Variants in NCOR1 observed in about 807,000 individuals in gnomAD.
NCOR1 encodes protein phosphatase 1, regulatory subunit 109.
NCOR1 carries 63 observed loss-of-function variants against 288.1 expected under a neutral mutation model. That is an observed-to-expected ratio of 0.22 (90% CI 0.18 to 0.27). The LOEUF is 0.27. Ranked by LOEUF, NCOR1 falls within the 10% of genes least tolerant of loss-of-function variation. NCOR1 has a pLI of 1.00. For missense variants in NCOR1, 2,397 were observed against 3,019.2 expected (o/e 0.79, Z 4.83); for synonymous variants, 1,007 against 1,065.9 (o/e 0.94, Z 1.08).
At chr17:16,150,705 A>G (rs536204578) in intron 8 of NCOR1, among the ~76,000 whole-genome samples, 3,028 of 136,074 alleles carry the variant, frequency 0.022, 43 homozygotes, top group Middle Eastern at 0.049. Flanking sequence ...GCTTTGTGGG[A>G]AAAAAAAAAA....
chr17:16,067,836 A>G (rs1006013426), intron 32 of NCOR1, 58 bp downstream of exon 32: 2 of 1,474,126 alleles, frequency 1.4e-6, no homozygotes, highest in African/African-American at 1.4e-5. Context: ...AGAAAGCTGA[A>G]AAGTCATACT....
chr17:16,105,630 C>A (rs2068465590), intron 19 of NCOR1, among the ~76,000 whole-genome samples: 1 of 152,050 alleles, frequency 6.6e-6, no homozygotes, highest in African/African-American at 2.4e-5. Flanking sequence ...TGGCTGTTAA[C>A]AACAAGATGG....
At chr17:16,137,985 T>C (rs2076661909) in intron 13 of NCOR1, 173 bp downstream of exon 13, 1 of 542,106 alleles carries the variant, frequency 1.8e-6, no homozygotes, top group Non-Finnish European at 3.2e-6. Flanking sequence ...TTCTGTGTTC[T>C]GTGTTACGAT....
intron 1 of NCOR1, among the ~76,000 whole-genome samples, chr17:16,209,895 G>C (rs2091955153): frequency 6.6e-6 from 1 of 151,790 alleles, no homozygotes; most frequent in South Asian, 2.1e-4. Context: ...AGGTTGCAGT[G>C]AGCTGAGATT....
In NCOR1 at chr17:16,149,207, T is replaced by C. The variant is rs141151786; in HGVS notation, c.909+244A>G. On this transcript the variant is annotated intron_variant, in intron 9 of 45. Transcript: ENST00000268712. ...GTTTTATTTTGACTAAATGAAAATG[T>C]TCTAGAAAGATGACCAATGAAATTA... 7.6e-3 allele frequency among the ~76,000 whole-genome samples: 1,146 copies of C among 151,278 alleles called. 19 individuals are homozygous for C. The highest frequency in any genetic ancestry group is 0.05 in the East Asian group (256 of 5,166).
chr17:16,170,615 A>G (rs1161053505), intron 4 of NCOR1, among the ~76,000 whole-genome samples: 4 of 152,036 alleles, frequency 2.6e-5, no homozygotes, highest in Admixed American at 2.6e-4. Flanking sequence ...TGGGCAGATC[A>G]CGAGGTCAGG....
intron 14 of NCOR1, among the ~76,000 whole-genome samples, chr17:16,127,397 GTGTA>G (rs1555688115): frequency 3.9e-5 from 3 of 77,706 alleles, no homozygotes; most frequent in Admixed American, 1.3e-4. Flanking sequence ...ATATATACAT[GTGTA>G]TATGTGTATG....
At chr17:16,102,915 G>A (rs2067903889) in intron 19 of NCOR1, among the ~76,000 whole-genome samples, 1 of 152,080 alleles carries the variant, frequency 6.6e-6, no homozygotes, top group Non-Finnish European at 1.5e-5. Flanking sequence ...ATTTAAACTA[G>A]CCAAATTTCA....
chr17:16,104,041 A>G (rs1203442965), intron 19 of NCOR1, among the ~76,000 whole-genome samples: 1 of 152,186 alleles, frequency 6.6e-6, no homozygotes, highest in Non-Finnish European at 1.5e-5. Flanking sequence ...TCCTTAACAA[A>G]GTTATATTTT....
chr17:16,079,330 T>C (rs547025603), intron 26 of NCOR1, among the ~76,000 whole-genome samples: 1 of 152,238 alleles, frequency 6.6e-6, no homozygotes, highest in African/African-American at 2.4e-5. Context: ...GTGAACACTT[T>C]AGAAAATGCA....
chr17:16,041,314 C>A (rs2152037610), intron 42 of NCOR1: 1 of 151,900 alleles, frequency 6.6e-6, no homozygotes, highest in South Asian at 2.1e-4. Flanking sequence ...TCCGTCATTC[C>A]CAACTTGACG....
At chr17:16,138,917 G>GTGAAAACAGTTCA in intron 12 of NCOR1, 91 bp downstream of exon 12, 1 of 1,000,972 alleles carries the variant, frequency 1.0e-6, no homozygotes, top group Non-Finnish European at 1.4e-6. Context: ...CCAAGTTTTT[G>GTGAAAACAGTTCA]TGAAAACAGT....
intron 15 of NCOR1, among the ~76,000 whole-genome samples, chr17:16,124,117 T>C (rs1374135657): frequency 1.2e-4 from 19 of 152,146 alleles, no homozygotes; most frequent in Admixed American, 1.1e-3. Context: ...GGTATAAAAT[T>C]ACAATGAGAA....
intron 2 of NCOR1, among the ~76,000 whole-genome samples, chr17:16,193,925 T>A (rs2089191266): frequency 6.6e-6 from 1 of 152,026 alleles, no homozygotes; most frequent in Non-Finnish European, 1.5e-5. Context: ...CTTACACCCA[T>A]AACCTTGGTC....
chr17:16,044,168 C>CAAAAAAAAA (rs34691717), intron 42 of NCOR1, among the ~76,000 whole-genome samples: 27 of 82,624 alleles, frequency 3.3e-4, no homozygotes, highest in Non-Finnish European at 5.1e-4. Flanking sequence ...GACTCCATCT[C>CAAAAAAAAA]AAAAAAAAAA....
At chr17:16,068,832 G>A (rs1249387096) in intron 31 of NCOR1, among the ~76,000 whole-genome samples, 1 of 150,836 alleles carries the variant, frequency 6.6e-6, no homozygotes, top group East Asian at 1.9e-4. Flanking sequence ...TCCTGTCTCA[G>A]CCTCCCAAGT....
chr17:16,093,939 G>T, intron 21 of NCOR1, among the ~76,000 whole-genome samples: 1 of 151,642 alleles, frequency 6.6e-6, no homozygotes, highest in Middle Eastern at 3.4e-3. Context: ...ACAGTGTCTC[G>T]CTTTTTCACC....
Position 16,194,553 on chromosome 17 carries a change from T to A in NCOR1, c.17A>T (p.Tyr6Phe). Residue 6 changes from tyrosine to phenylalanine, a missense_variant, in exon 2 of 46, where the codon TAT becomes TTT. Physicochemically the swap from Tyr to Phe is conservative, Grantham distance 22 (BLOSUM62 3). Transcript: ENST00000268712. ...GCTGAATGCTCCTTGGTTGGGAGGA[T>A]AACCTGAACTTGACATTATCAGTAA... MSSSG[Y>F]PPNQGAFSTE... 6.2e-7 allele frequency: 1 copy of A among 1,602,410 alleles called. No homozygotes were observed. Among genetic ancestry groups the A allele is most frequent in the Non-Finnish European group, 8.5e-7 (1 of 1,173,182 alleles).
chr17:16,200,250 A>C (rs977752220), intron 1 of NCOR1, among the ~76,000 whole-genome samples: 2 of 151,946 alleles, frequency 1.3e-5, no homozygotes, highest in Non-Finnish European at 2.9e-5. Flanking sequence ...CACTTTGGGA[A>C]GCCAAGGCCG....
Sources: allele counts gnomAD v4.1 joint callset (sites outside exome capture counted in the v4.1 genomes callset), GRCh38; gene constraint gnomAD v4.1.1; transcripts MANE v1.5; gene names NCBI Gene and HGNC (gene_info 2026-07-23, HGNC 2026-07-21).